TGM1: variants seen among roughly 807,000 people sequenced by gnomAD.
The protein encoded by TGM1 is protein-glutamine gamma-glutamyltransferase K.
In TGM1, 63 loss-of-function variants were observed where a neutral mutation model predicts 88.7. That is an observed-to-expected ratio of 0.71 (90% CI 0.58 to 0.88). TGM1 has a LOEUF of 0.88. Ranked by LOEUF, TGM1 falls within the 40% of genes least tolerant of loss-of-function variation. The pLI is 0.00. For synonymous variants in TGM1, 415 were observed against 431.1 expected, an observed-to-expected ratio of 0.96 and a Z score of 0.46; for missense variants, 996 against 1,118.0, an observed-to-expected ratio of 0.89 and a Z score of 1.56.
Position 24,259,068 on chromosome 14 carries a change from C to T in TGM1, c.1159+7G>A. On this transcript the variant is annotated splice_region_variant and intron_variant, in intron 7 of 14. Transcript: ENST00000206765. The surrounding 1 kb of genome is among the most constrained non-coding windows in gnomAD (Gnocchi z 5.7). ...CCGGGCCACTCCTGTCCCAGTCCCT[C>T]CACTACCTGTGGTGGTCACGCCAGC... The T allele has an allele frequency of 6.2e-7, 1 of 1,613,900 alleles. No individual in the cohort carries two copies. The highest frequency in any genetic ancestry group is 8.5e-7 in the Non-Finnish European group (1 of 1,179,952).
rs2040746125 is a variant in TGM1, at chr14:24,255,861, A to C, written c.1491+128T>G. Reference sequence around the variant, plus strand: ...GGCAGCCTTGATTATCCCCTTTTACAGGTGAGGAAACTGACTTGTATAATG... The same window carrying C: ...GGCAGCCTTGATTATCCCCTTTTACCGGTGAGGAAACTGACTTGTATAATG... On this transcript the variant is annotated intron_variant, in intron 10 of 14. Coordinates refer to ENST00000206765, the MANE Select transcript of TGM1 (RefSeq NM_000359.3). This position sits in a 1 kb window ranked among gnomAD's most constrained non-coding sequence, Gnocchi z 4.0. 2 of 827,384 alleles carry C rather than the reference A, an allele frequency of 2.4e-6. No individual in the cohort carries two copies. The highest frequency in any genetic ancestry group is 4.1e-6 in the Non-Finnish European group (2 of 490,650). The allele number at this position is 827,384 out of a possible 1,614,324, so 51.3% of individuals were successfully genotyped here. A position where few individuals can be genotyped will look rare whatever the true frequency, so the allele number is the denominator to read the frequency against.
In TGM1 at chr14:24,249,233, G is replaced by A; in HGVS notation, c.*80C>T. 7.5e-7 allele frequency: 1 copy of A among 1,333,376 alleles called. No individual in the cohort carries two copies. Among genetic ancestry groups the A allele is most frequent in the Non-Finnish European group, 1.1e-6 (1 of 938,798 alleles). The allele number at this position is 1,333,376 out of a possible 1,614,324, so 82.6% of individuals were successfully genotyped here. On this transcript the variant is annotated 3_prime_UTR_variant, in exon 15 of 15. Transcript: ENST00000206765. The stretch of plus-strand genomic sequence containing the variant: ...TGGACTCCCCACCTGAGCTCCTGGG[G>A]AGCTGCTCTGTAGTGTGCCCCTATC...
At chr14:24,254,093 G>C in intron 14 of TGM1, 59 bp downstream of exon 14, 3 of 1,572,956 alleles carry the variant, frequency 1.9e-6, no homozygotes, top group Non-Finnish European at 2.6e-6. Context: ...CTGGGAGCCA[G>C]GGCAGCCTGT....
rs760429286 is a variant in TGM1, at chr14:24,262,121, G to A, written c.232C>T (p.Arg78Ter). The change falls in exon 2 of 15, where the codon CGA (arginine) becomes TGA (stop). Residue 78 changes from arginine to a stop codon, truncating the protein, a stop_gained. Coordinates refer to ENST00000206765, the MANE Select transcript of TGM1 (RefSeq NM_000359.3). LOFTEE classifies it high-confidence loss of function. ...SRGRGSSSGT[R>*]RPGSRGSDSR... ...TCTGAGCCCCGGGAGCCAGGTCTTC[G>A]AGTGCCAGAGCTGGACCCTCGACCC... 10 of 1,613,482 alleles carry A rather than the reference G, an allele frequency of 6.2e-6. No individual in the cohort carries two copies. In the African/African-American group the frequency reaches 6.7e-5, roughly 11 times the overall value.
Position 24,259,368 on chromosome 14 carries a change from A to G in TGM1, c.985-119T>C, listed in dbSNP as rs1255453676. 5.0e-6 allele frequency: 5 copies of G among 1,001,748 alleles called. No individual in the cohort carries two copies. Among genetic ancestry groups the G allele is most frequent in the Non-Finnish European group, 7.6e-6 (5 of 657,194 alleles). 62.1% of individuals were successfully genotyped at this position (1,001,748 alleles called of 1,614,324 possible). On this transcript the variant is annotated intron_variant, in intron 6 of 14. Transcript: ENST00000206765. This position sits in a 1 kb window ranked among gnomAD's most constrained non-coding sequence, Gnocchi z 5.7. ...ACCACCCCTTACCCCTAAATGCCTC[A>G]GGATCCAGACACCAGCCTGAGCTCC...
At chr14:24,254,435 G>T in intron 13 of TGM1, 147 bp from the exon 14 acceptor site, 1 of 1,352,328 alleles carries the variant, frequency 7.4e-7, no homozygotes, top group Non-Finnish European at 1.0e-6. Flanking sequence ...TTCCCCAGAA[G>T]TCAGAGAAGA....
chr14:24,257,503 AT>A (rs1389588691), intron 9 of TGM1, among the ~76,000 whole-genome samples: 2 of 152,170 alleles, frequency 1.3e-5, no homozygotes, highest in African/African-American at 2.4e-5. Flanking sequence ...CTGAGCCCTG[AT>A]TTTTTTCTAT....
Position 24,258,136 on chromosome 14 carries a change from G to T in TGM1, c.1402+149C>A, listed in dbSNP as rs796917368. ...ATGGTAAAAATAAACTAACATCCAC[G>T]TGGTGGTTCAGCTGACAAACCCGTT... On this transcript the variant is annotated intron_variant, in intron 9 of 14. Coordinates refer to ENST00000206765, the MANE Select transcript of TGM1 (RefSeq NM_000359.3). The T allele has an allele frequency of 6.4e-6, 4 of 623,044 alleles. No homozygotes were observed. In the African/African-American group the frequency reaches 7.4e-5, roughly 11 times the overall value. The allele number at this position is 623,044 out of a possible 1,614,324, so 38.6% of individuals were successfully genotyped here.
chr14:24,255,398 C>T lies in TGM1; in HGVS notation c.1611G>A (p.Arg537=). The T allele has an allele frequency of 6.2e-7, 1 of 1,614,208 alleles. No homozygotes were observed. The highest frequency in any genetic ancestry group is 8.5e-7 in the Non-Finnish European group (1 of 1,180,044). ...GCTTATAGAGGTAGGTGATGTCCTCCCGCATGTTGGAGCTGATGGCCTTTG... is the reference window on the plus strand; with the variant it reads ...GCTTATAGAGGTAGGTGATGTCCTCTCGCATGTTGGAGCTGATGGCCTTTG... ...IVTKAISSNM[R]EDITYLYKHP... Residue 537 remains arginine (R), a synonymous_variant, in exon 11 of 15, where the codon CGG becomes CGA. Coordinates refer to ENST00000206765, the MANE Select transcript of TGM1 (RefSeq NM_000359.3). The surrounding 1 kb of genome is among the most constrained non-coding windows in gnomAD (Gnocchi z 4.0).
chr14:24,259,786 C>G lies in TGM1; in HGVS notation c.902G>C (p.Cys301Ser), dbSNP rs1200436102. The G allele has an allele frequency of 2.5e-6, 4 of 1,613,172 alleles. No individual in the cohort carries two copies. The highest frequency in any genetic ancestry group is 3.4e-6 in the Non-Finnish European group (4 of 1,179,926). ...CCCCCGCCGGTCCAGGATGTATAAG[C>G]AGGCATCCAGCACCCCGTGGTCAAA... ...GQFDHGVLDA[C>S]LYILDRRGMP... The change falls in exon 6 of 15, where the codon TGC (cysteine) becomes TCC (serine). Residue 301 changes from cysteine to serine, a missense_variant. Physicochemically the swap from Cys to Ser is moderately radical, Grantham distance 112 (BLOSUM62 -1). Transcript: ENST00000206765. The surrounding 1 kb of genome is among the most constrained non-coding windows in gnomAD (Gnocchi z 5.7).
rs559144741 is a variant in TGM1, at chr14:24,252,597, C to G, written c.2225+1555G>C. Among the ~76,000 whole-genome samples, 206 of 152,354 alleles carry G rather than the reference C, an allele frequency of 1.4e-3. 1 individual carries two copies. The highest frequency in any genetic ancestry group is 0.01 in the Middle Eastern group (3 of 294). On this transcript the variant is annotated intron_variant, in intron 14 of 14. Coordinates refer to ENST00000206765, the MANE Select transcript of TGM1 (RefSeq NM_000359.3). ...CCATGGTATGGTGACATGAGGAAAG[C>G]CCTACTTTGTGACACATCATAGCAT...
chr14:24,261,200 C>A (rs2139026906), intron 3 of TGM1, among the ~76,000 whole-genome samples: 1 of 152,282 alleles, frequency 6.6e-6, no homozygotes, highest in South Asian at 2.1e-4. Context: ...GTCACCTGCC[C>A]CAGGCAGCAG....
rs1250673245 is a variant in TGM1 at position 24,260,471 on chromosome 14, G to A, written c.736C>T (p.Leu246Phe). Residue 246 changes from leucine to phenylalanine, a missense_variant, in exon 4 of 15, where the codon CTC (leucine) becomes TTC (phenylalanine). Coordinates refer to ENST00000206765, the MANE Select transcript of TGM1 (RefSeq NM_000359.3). The stretch of plus-strand genomic sequence containing the variant: ...TCACCTGGGCACCAGGGGTTGAAGA[G>A]GATGTAGATCTCATTGCGGGGGTCA... The part of the protein sequence containing the change: ...PFDPRNEIYI[L>F]FNPWCPEDIV... 6.2e-7 allele frequency: 1 copy of A among 1,614,244 alleles called. No homozygotes were observed. The highest frequency in any genetic ancestry group is 1.7e-5 in the Admixed American group (1 of 60,030).
chr14:24,254,932 C>T, intron 12 of TGM1, 40 bp downstream of exon 12: 1 of 1,613,186 alleles, frequency 6.2e-7, no homozygotes, highest in East Asian at 2.2e-5. Flanking sequence ...CCTGAGGTGC[C>T]CAGCCATCCA....
intron 14 of TGM1, among the ~76,000 whole-genome samples, chr14:24,253,480 C>CAGAG (rs148602013): frequency 2.7e-5 from 4 of 150,126 alleles, no homozygotes; most frequent in African/African-American, 9.8e-5. Flanking sequence ...GTGTGTGTGA[C>CAGAG]AGAGAGAGAG....
chr14:24,256,851 T>C (rs557198788), intron 9 of TGM1, among the ~76,000 whole-genome samples: 39 of 152,282 alleles, frequency 2.6e-4, no homozygotes, highest in African/African-American at 8.9e-4. Context: ...CTCAGACTTT[T>C]TGAGTAGCTG....
At chr14:24,262,919 G>A (rs1313327233) in intron 1 of TGM1, among the ~76,000 whole-genome samples, 170 bp downstream of exon 1, 3 of 152,354 alleles carry the variant, frequency 2.0e-5, no homozygotes, top group Admixed American at 1.3e-4. Context: ...GGCATGGCAG[G>A]TGCCCGGAGC....
chr14:24,250,177 T>A (rs112204670), intron 14 of TGM1, among the ~76,000 whole-genome samples: 82 of 21,480 alleles, frequency 3.8e-3, no homozygotes, highest in South Asian at 7.0e-3. Context: ...TGTGTGTGTG[T>A]GTGAGAGAGA....
intron 14 of TGM1, among the ~76,000 whole-genome samples, chr14:24,253,162 C>A (rs185872248): frequency 6.6e-6 from 1 of 152,310 alleles, no homozygotes; most frequent in Non-Finnish European, 1.5e-5. Context: ...TTGCCCCCTA[C>A]GAGCTGTGAG....
Sources: allele counts gnomAD v4.1 joint callset (sites outside exome capture counted in the v4.1 genomes callset), GRCh38; gene constraint gnomAD v4.1.1; non-coding constraint Gnocchi (gnomAD v3.1); transcripts MANE v1.5; gene names NCBI Gene and HGNC (gene_info 2026-07-23, HGNC 2026-07-21).